Variants in LPP observed in about 807,000 individuals in gnomAD.
LPP encodes LIM domain containing preferred translocation partner in lipoma, also known as lipoma-preferred partner.
A neutral mutation model predicts 60.4 loss-of-function variants in LPP; 38 were observed. That is an observed-to-expected ratio of 0.63 (90% confidence interval 0.49 to 0.83). LPP has a LOEUF of 0.83. Ranked by LOEUF, LPP falls within the 40% of genes least tolerant of loss-of-function variation. The pLI is 0.00. For synonymous variants in LPP, 328 were observed against 290.8 expected (o/e 1.13, Z -1.30); for missense variants, 902 against 783.6 (o/e 1.15, Z -1.80).
At chr3:188,555,601 C>T (rs1560558473) in intron 6 of LPP, among the ~76,000 whole-genome samples, 1 of 151,904 alleles carries the variant, frequency 6.6e-6, no homozygotes, top group East Asian at 1.9e-4. Flanking sequence ...AAGAATGGCT[C>T]CTAGGTTTTT....
At position 188,890,609 on chromosome 3, in the gene LPP, C is replaced by G. The variant is rs1009920155; in HGVS notation, c.*16130C>G. 1 of 173,450 alleles carries G rather than the reference C, an allele frequency of 5.8e-6. No individual in the cohort carries two copies. The highest frequency in any genetic ancestry group is 2.4e-5 in the African/African-American group (1 of 42,138). The allele number at this position is 173,450 out of a possible 1,614,324, so 10.7% of individuals were successfully genotyped here. ...AATATGGAAATTATATTTCTTTTTT[C>G]TGTAAAAGAGTTGCAACTACTTTAT... On this transcript the variant is annotated 3_prime_UTR_variant, in exon 12 of 12. Coordinates refer to ENST00000617246, the MANE Select transcript of LPP (RefSeq NM_001375462.1).
At chr3:188,770,778 A>C (rs1343298480) in intron 9 of LPP, among the ~76,000 whole-genome samples, 2 of 152,180 alleles carry the variant, frequency 1.3e-5, no homozygotes, top group Non-Finnish European at 2.9e-5. Context: ...TAAGGAAAGA[A>C]TATAGAATTT....
chr3:188,807,095 A>G (rs1171158118), intron 9 of LPP, among the ~76,000 whole-genome samples: 1 of 140,958 alleles, frequency 7.1e-6, no homozygotes, highest in Non-Finnish European at 1.5e-5. Flanking sequence ...TCATTTGAAA[A>G]CTATTTTTAC....
At chr3:188,523,297 T>A (rs1056551673) in intron 5 of LPP, among the ~76,000 whole-genome samples, 20 of 152,290 alleles carry the variant, frequency 1.3e-4, no homozygotes, top group African/African-American at 4.6e-4. Context: ...CACAACTTCA[T>A]AGACAGTTGA....
At chr3:188,807,710 A>G (rs1288985090) in intron 9 of LPP, among the ~76,000 whole-genome samples, 2 of 152,142 alleles carry the variant, frequency 1.3e-5, no homozygotes, top group Non-Finnish European at 2.9e-5. Flanking sequence ...ATAAGACAGA[A>G]TGAGAAATAT....
At position 188,182,404 on chromosome 3, in the gene LPP, C is replaced by A. The variant is rs934979254; in HGVS notation, c.-190+28152C>A. 5.3e-5 allele frequency among the ~76,000 whole-genome samples: 8 copies of A among 152,194 alleles called. No individual in the cohort carries two copies. Among genetic ancestry groups the A allele is most frequent in the African/African-American group, 1.9e-4 (8 of 41,452 alleles). On this transcript the variant is annotated intron_variant, in intron 1 of 11. Coordinates refer to ENST00000617246, the MANE Select transcript of LPP (RefSeq NM_001375462.1). The surrounding 1 kb of genome is among the most constrained non-coding windows in gnomAD (Gnocchi z 4.4). ...TATTTATAGTCATCCCTACCTCGTT[C>A]TTTTCATTGGTCGGAACTTCCTGTG... is the stretch of plus-strand genomic sequence containing the variant.
At chr3:188,757,633 C>T (rs542849985) in intron 8 of LPP, among the ~76,000 whole-genome samples, 1 of 152,274 alleles carries the variant, frequency 6.6e-6, no homozygotes, top group Non-Finnish European at 1.5e-5. Flanking sequence ...ATCTGCTTGA[C>T]ATCTAGAAAA....
intron 7 of LPP, among the ~76,000 whole-genome samples, chr3:188,626,544 TC>T (rs1430758206): frequency 6.6e-6 from 1 of 152,106 alleles, no homozygotes; most frequent in African/African-American, 2.4e-5. Context: ...AAGTCTGAGA[TC>T]AAGGTACTCA....
At position 188,880,462 on chromosome 3, in the gene LPP, T is replaced by C. The variant is rs1282404028; in HGVS notation, c.*5983T>C. 5.2e-6 allele frequency: 1 copy of C among 190,620 alleles called. No individual in the cohort carries two copies. The highest frequency in any genetic ancestry group is 8.3e-5 in the East Asian group (1 of 12,034). 11.8% of individuals were successfully genotyped at this position (190,620 alleles called of 1,614,324 possible). On this transcript the variant is annotated 3_prime_UTR_variant, in exon 12 of 12. Transcript: ENST00000617246. The stretch of plus-strand genomic sequence containing the variant: ...ATGCACGAATAAATATCTCTACATC[T>C]AGCCTTTGTTAAAAATAAAAATTAA...
chr3:188,350,444 G>A (rs964752290), intron 3 of LPP, among the ~76,000 whole-genome samples: 8 of 152,306 alleles, frequency 5.3e-5, no homozygotes, highest in African/African-American at 1.4e-4. Context: ...AGTGGGACTC[G>A]GAAGCAGGCA....
intron 6 of LPP, among the ~76,000 whole-genome samples, chr3:188,574,098 C>T (rs180952526): frequency 6.6e-6 from 1 of 152,192 alleles, no homozygotes; most frequent in African/African-American, 2.4e-5. Context: ...CAAGCCCTCC[C>T]ACCAGGCCAA....
intron 3 of LPP, among the ~76,000 whole-genome samples, chr3:188,345,747 C>T (rs1367785268): frequency 2.0e-5 from 3 of 152,146 alleles, no homozygotes; most frequent in Non-Finnish European, 2.9e-5. Context: ...CTCACATGTA[C>T]ATGGGGGCTT....
intron 1 of LPP, among the ~76,000 whole-genome samples, chr3:188,201,472 T>C (rs1265799099): frequency 1.3e-5 from 2 of 152,234 alleles, no homozygotes; most frequent in East Asian, 1.9e-4. Flanking sequence ...TCTGGGCGGC[T>C]AAGGCGGGCG....
rs543439499 is a variant in LPP at position 188,169,499 on chromosome 3, A to G, written c.-190+15247A>G. On this transcript the variant is annotated intron_variant, in intron 1 of 11. Coordinates refer to ENST00000617246, the MANE Select transcript of LPP (RefSeq NM_001375462.1). The stretch of plus-strand genomic sequence containing the variant: ...GTGATTCTGTAAGACAGTATTTCCC[A>G]AAGTGTTAAGGCTGTTTTATTAAGA... Among the ~76,000 whole-genome samples the G allele has an allele frequency of 4.6e-5, 7 of 152,328 alleles. No individual in the cohort carries two copies. In the East Asian group the frequency reaches 1.3e-3, roughly 29 times the overall value.
chr3:188,806,220 T>C (rs1749088800), intron 9 of LPP, among the ~76,000 whole-genome samples: 2 of 151,870 alleles, frequency 1.3e-5, no homozygotes, highest in Non-Finnish European at 3.0e-5. Context: ...CTTTCACTTG[T>C]ATGGTTTTTG....
At chr3:188,620,069 TACTAAAATATGC>T (rs765669049) in intron 7 of LPP, among the ~76,000 whole-genome samples, 60 of 152,326 alleles carry the variant, frequency 3.9e-4, no homozygotes, top group Admixed American at 7.8e-4. Context: ...TTCATTCATT[TACTAAAATATGC>T]ACTAAAATAT....
At chr3:188,523,217 GTT>G (rs1819508445) in intron 5 of LPP, among the ~76,000 whole-genome samples, 1 of 152,058 alleles carries the variant, frequency 6.6e-6, no homozygotes, top group Non-Finnish European at 1.5e-5. Context: ...TGAAATCCAT[GTT>G]TAAAGAGGGC....
At chr3:188,495,922 A>C (rs547949935) in intron 5 of LPP, among the ~76,000 whole-genome samples, 1 of 152,282 alleles carries the variant, frequency 6.6e-6, no homozygotes, top group East Asian at 1.9e-4. Flanking sequence ...TGTCTTAGGA[A>C]GGTTTTCTGT....
chr3:188,609,689 C>A lies in LPP; in HGVS notation c.958C>A (p.Gln320Lys). ...TGACTCTGACCCTACCTATGGTCAA[C>A]AAGGTCACCCAAATACCTGGAAACG... ...RNDSDPTYGQ[Q>K]GHPNTWKREP... The change falls in exon 7 of 12, where the codon CAA becomes AAA. Residue 320 changes from glutamine (Q) to lysine (K), a missense_variant. Coordinates refer to ENST00000617246, the MANE Select transcript of LPP (RefSeq NM_001375462.1). This position sits in a 1 kb window ranked among gnomAD's most constrained non-coding sequence, Gnocchi z 6.9. 1 of 1,614,124 alleles carries A rather than the reference C, an allele frequency of 6.2e-7. No individual in the cohort carries two copies. Among genetic ancestry groups the A allele is most frequent in the Non-Finnish European group, 8.5e-7 (1 of 1,180,006 alleles).
Sources: gnomAD v4.1 joint callset for allele counts (sites outside exome capture counted in the v4.1 genomes callset) on GRCh38, gnomAD v4.1.1 for gene constraint, Gnocchi (gnomAD v3.1) non-coding constraint, MANE v1.5 for transcripts, NCBI Gene and HGNC (gene_info 2026-07-23, HGNC 2026-07-21) for gene names.